NCOR2: variants seen among roughly 807,000 people sequenced by gnomAD.
The protein encoded by NCOR2 is nuclear receptor corepressor 2, also known as CTG repeat protein 26.
Under a neutral mutation model 262.9 loss-of-function variants are expected in NCOR2, and 81 were observed. The ratio of observed to expected loss-of-function variants is 0.31; its 90% CI spans 0.26 to 0.37. The LOEUF (loss-of-function observed/expected upper bound fraction) is 0.37. NCOR2 is among the 10% of genes least tolerant of loss of function. The pLI, the probability that NCOR2 is intolerant of heterozygous loss-of-function variation, is 1.00. For missense variants in NCOR2, 3,385 were observed against 3,621.4 expected (o/e 0.93, Z 1.68); for synonymous variants, 1,659 against 1,559.3 (o/e 1.06, Z -1.51).
intron 20 of NCOR2, among the ~76,000 whole-genome samples, chr12:124,369,574 C>T (rs1006282472): frequency 3.3e-5 from 5 of 152,082 alleles, no homozygotes; most frequent in Admixed American, 3.3e-4. Flanking sequence ...CCTGCGCAGT[C>T]GTGGCCGGCA....
At chr12:124,518,084 G>A (rs1209960880) in intron 1 of NCOR2, 4 of 152,378 alleles carry the variant, frequency 2.6e-5, no homozygotes, top group Admixed American at 1.3e-4. Context: ...CCCGGCCGGG[G>A]TGACCCAGCC....
exon 14 of NCOR2, chr12:124,402,547 CTGT>C (rs761070441): frequency 5.8e-6 from 9 of 1,553,140 alleles, no homozygotes; most frequent in South Asian, 1.2e-5. Flanking sequence ...GCTGCTGCTG[CTGT>C]TGTTGCTGCT....
Position 124,344,934 on chromosome 12 carries a change from G to A in NCOR2, c.4377C>T (p.Tyr1459=), listed in dbSNP as rs370364401. 56 of 1,552,612 alleles carry A rather than the reference G, an allele frequency of 3.6e-5. No homozygotes were observed. The African/African-American group carries it at 5.2e-4, about 14-fold the overall frequency. ...AGCCAGTGGTGGACGCGCCGGTGTC[G>A]TACTTGAGCGGGGTGCCCTGGGGCA... Residue 1459 remains tyrosine (Y), a synonymous_variant, in exon 32 of 47, where the codon TAC becomes TAT. Transcript: ENST00000405201.
At chr12:124,527,768 C>T (rs900351119) in intron 1 of NCOR2, among the ~76,000 whole-genome samples, 2 of 152,332 alleles carry the variant, frequency 1.3e-5, no homozygotes, top group Middle Eastern at 3.4e-3. Context: ...AGGACGATCA[C>T]AAACCCTGTT....
At chr12:124,330,734 G>C in intron 44 of NCOR2, 111 bp downstream of exon 46, 2 of 1,213,398 alleles carry the variant, frequency 1.6e-6, no homozygotes, top group South Asian at 2.8e-5. Flanking sequence ...AGAATGAGGG[G>C]GTACACCCAG....
chr12:124,379,480 G>A (rs2040256354), intron 17 of NCOR2, among the ~76,000 whole-genome samples: 1 of 152,262 alleles, frequency 6.6e-6, no homozygotes. Flanking sequence ...ACAGCAGAGA[G>A]CAGGGGCATC....
intron 37 of NCOR2, 174 bp from the exon 40 acceptor site, chr12:124,337,354 C>G: frequency 1.3e-6 from 1 of 796,434 alleles, no homozygotes; most frequent in South Asian, 1.5e-5. Context: ...TGACCCATCC[C>G]ACTCATTCGT....
At chr12:124,371,479 T>C (rs77017033) in intron 20 of NCOR2, among the ~76,000 whole-genome samples, 17,001 of 152,210 alleles carry the variant, frequency 0.11, 1,218 homozygotes, top group Non-Finnish European at 0.14. Context: ...CCTGGTGTCC[T>C]CAGAAGAAGA....
At chr12:124,343,444 T>TA (rs2036623645) in intron 32 of NCOR2, among the ~76,000 whole-genome samples, 2 of 152,300 alleles carry the variant, frequency 1.3e-5, no homozygotes, top group South Asian at 4.1e-4. Context: ...CTCAATCAAT[T>TA]AAAAAATATT....
chr12:124,481,637 T>C lies in NCOR2; in HGVS notation c.411+1959A>G, dbSNP rs113945973. Among the ~76,000 whole-genome samples the C allele has an allele frequency of 0.022, 3,412 of 152,240 alleles. 69 individuals carry two copies. Among genetic ancestry groups the C allele is most frequent in the Middle Eastern group, 0.058 (17 of 294 alleles). On this transcript the variant is annotated intron_variant, in intron 3 of 46. Transcript: ENST00000405201. The surrounding 1 kb of genome is among the most constrained non-coding windows in gnomAD (Gnocchi z 4.6). ...GGAACTCCAGGGTGGCCTGGGAGGCTGTACGTGAGCGGTTGAGAGGGCTGC... is the reference window on the plus strand; with the variant it reads ...GGAACTCCAGGGTGGCCTGGGAGGCCGTACGTGAGCGGTTGAGAGGGCTGC...
chr12:124,466,106 T>C (rs4765569), intron 5 of NCOR2, 67 bp downstream of exon 7: 226,400 of 1,420,726 alleles, frequency 0.16, 19,014 homozygotes, highest in East Asian at 0.21. Flanking sequence ...GCCTGATTCA[T>C]GGTGCCCCCT....
rs534263127 is a variant in NCOR2 at position 124,457,487 on chromosome 12, A to T, written c.706-325T>A. ...CCCAGCGACGTGGGCACCGCTCCCC[A>T]CCAGCCCAGCCGACACTGCCAGCCC... On this transcript the variant is annotated intron_variant, in intron 5 of 46. Transcript: ENST00000405201. This position sits in a 1 kb window ranked among gnomAD's most constrained non-coding sequence, Gnocchi z 4.0. Among the ~76,000 whole-genome samples, 1 of 152,088 alleles carries T rather than the reference A, an allele frequency of 6.6e-6. No individual in the cohort carries two copies. Among genetic ancestry groups the T allele is most frequent in the African/African-American group, 2.4e-5 (1 of 41,526 alleles).
intron 7 of NCOR2, among the ~76,000 whole-genome samples, chr12:124,439,845 G>A (rs535106442): frequency 6.6e-6 from 1 of 151,764 alleles, no homozygotes; most frequent in Admixed American, 6.6e-5. Context: ...GTGGGGAGAG[G>A]GAAAGAGACA....
At chr12:124,372,686 T>A in intron 19 of NCOR2, 76 bp from the exon 22 acceptor site, 1 of 1,327,788 alleles carries the variant, frequency 7.5e-7, no homozygotes, top group Non-Finnish European at 1.0e-6. Flanking sequence ...GCCCTGACCC[T>A]CCGGATGAGG....
chr12:124,355,254 C>A (rs928803858), intron 24 of NCOR2, 178 bp downstream of exon 26: 3 of 722,620 alleles, frequency 4.2e-6, no homozygotes, highest in African/African-American at 3.6e-5. Flanking sequence ...AGTGACCCCC[C>A]AGGGACGAGG....
At position 124,356,800 on chromosome 12, in the gene NCOR2, T is replaced by C. The variant is rs1286024530; in HGVS notation, c.3101-18A>G. 2.7e-6 allele frequency: 4 copies of C among 1,458,086 alleles called. No individual in the cohort carries two copies. The highest frequency in any genetic ancestry group is 3.6e-6 in the Non-Finnish European group (4 of 1,113,254). 90.3% of individuals were successfully genotyped at this position (1,458,086 alleles called of 1,614,324 possible). On this transcript the variant is annotated intron_variant, in intron 22 of 46. Transcript: ENST00000405201. ...TGCGAAGGCTGGGAAGAACACAGGC[T>C]TCTCTGCTGAGGGCAGGAGGTGGGG...
chr12:124,437,556 C>A (rs2044421116), intron 8 of NCOR2, among the ~76,000 whole-genome samples: 1 of 152,208 alleles, frequency 6.6e-6, no homozygotes, highest in South Asian at 2.1e-4. Context: ...GCCTGCGGCC[C>A]CTGCTGCCCG....
chr12:124,457,303 G>A lies in NCOR2; in HGVS notation c.706-141C>T. On this transcript the variant is annotated intron_variant, in intron 5 of 46. Transcript: ENST00000405201. The surrounding 1 kb of genome is among the most constrained non-coding windows in gnomAD (Gnocchi z 4.0). Reference sequence around the variant, plus strand: ...CTCAGCACGGGGGAGGGAGGCCCGGGGCCCCCTGCAGGCCCTCCCCACGCT... The same window carrying A: ...CTCAGCACGGGGGAGGGAGGCCCGGAGCCCCCTGCAGGCCCTCCCCACGCT... 1.1e-6 allele frequency: 1 copy of A among 927,710 alleles called. No individual in the cohort carries two copies. Among genetic ancestry groups the A allele is most frequent in the Non-Finnish European group, 1.6e-6 (1 of 645,028 alleles). 57.5% of individuals were successfully genotyped at this position (927,710 alleles called of 1,614,324 possible).
chr12:124,374,413 C>A (rs757973745), exon 19 of NCOR2: 4 of 1,612,712 alleles, frequency 2.5e-6, no homozygotes, highest in East Asian at 2.2e-5. Context: ...ACATTCGTAC[C>A]TGGGCCACTG....
Sources: allele counts gnomAD v4.1 joint callset (sites outside exome capture counted in the v4.1 genomes callset), GRCh38; gene constraint gnomAD v4.1.1; non-coding constraint Gnocchi (gnomAD v3.1); transcripts MANE v1.5; gene names NCBI Gene and HGNC (gene_info 2026-07-23, HGNC 2026-07-21).